The following SERPINE2 variants were observed in gnomAD, a reference collection of about 807,000 sequenced individuals.
SERPINE2 encodes the protein serpin family E member 2.
Under a neutral mutation model 36.3 loss-of-function variants are expected in SERPINE2, and 14 were observed. The observed-to-expected ratio is 0.39, with a 90% CI of 0.25 to 0.60. SERPINE2 has a LOEUF of 0.60. SERPINE2 is among the 20% of genes least tolerant of loss of function. The probability of loss-of-function intolerance (pLI) is 0.57; values close to 1 mark genes in which losing one functional copy is unlikely to be tolerated. For synonymous variants in SERPINE2, 192 were observed against 191.8 expected (o/e 1.00, Z -0.01); for missense variants, 418 against 499.6 (o/e 0.84, Z 1.56).
intron 1 of SERPINE2, among the ~76,000 whole-genome samples, chr2:224,009,938 G>A (rs914643173): frequency 6.6e-6 from 1 of 152,088 alleles, no homozygotes; most frequent in Non-Finnish European, 1.5e-5. Context: ...AAGTAATCGG[G>A]GTTAAGCCTC....
intron 1 of SERPINE2, among the ~76,000 whole-genome samples, chr2:224,008,170 G>A (rs1319832034): frequency 2.0e-5 from 3 of 152,344 alleles, no homozygotes; most frequent in Admixed American, 2.0e-4. Context: ...AGAGGGTGGT[G>A]AAATCAGTAG....
At chr2:224,012,235 C>T (rs967680105) in intron 1 of SERPINE2, among the ~76,000 whole-genome samples, 1 of 152,166 alleles carries the variant, frequency 6.6e-6, no homozygotes, top group Non-Finnish European at 1.5e-5. Flanking sequence ...GAATCACTTG[C>T]ACTTTATGCT....
At chr2:224,000,988 T>G (rs1456922101) in intron 2 of SERPINE2, among the ~76,000 whole-genome samples, 3 of 152,162 alleles carry the variant, frequency 2.0e-5, no homozygotes, top group Non-Finnish European at 4.4e-5. Context: ...TTGAAATAAT[T>G]ATAGATTTAC....
intron 1 of SERPINE2, among the ~76,000 whole-genome samples, chr2:224,036,294 C>G (rs1692531669): frequency 6.8e-6 from 1 of 147,458 alleles, no homozygotes; most frequent in African/African-American, 2.5e-5. Context: ...AGCAGAGATG[C>G]CAGGGAGGAA....
chr2:223,977,858 T>G (rs1003378345), intron 7 of SERPINE2: 23 of 479,036 alleles, frequency 4.8e-5, no homozygotes, highest in Non-Finnish European at 8.8e-5. Flanking sequence ...ACAAGCACCA[T>G]CTCTGATAAA....
intron 1 of SERPINE2, among the ~76,000 whole-genome samples, chr2:224,002,185 CAG>C (rs1353555197): frequency 6.6e-6 from 1 of 152,044 alleles, no homozygotes; most frequent in Non-Finnish European, 1.5e-5. Flanking sequence ...CCATGTTGGC[CAG>C]GCTGGTCTCA....
At chr2:223,995,876 G>A (rs756425689) in intron 3 of SERPINE2, among the ~76,000 whole-genome samples, 4 of 152,090 alleles carry the variant, frequency 2.6e-5, no homozygotes, top group Non-Finnish European at 4.4e-5. Context: ...ACTTTATTAC[G>A]TATTTGAGTG....
chr2:223,979,776 CTTG>C (rs1374834794), intron 7 of SERPINE2: 4 of 152,540 alleles, frequency 2.6e-5, no homozygotes, highest in East Asian at 3.8e-4. Flanking sequence ...CCTTTAAGTA[CTTG>C]TTGTTTATTT....
rs571145544 is a variant in SERPINE2 at position 223,982,526 on chromosome 2, G to A, written c.985+155C>T. Reference sequence around the variant, plus strand: ...AATAAATGAAGGTCAATAAATAAACGAAGGCCAATAGCATAATTTGGCAAT... The same window carrying A: ...AATAAATGAAGGTCAATAAATAAACAAAGGCCAATAGCATAATTTGGCAAT... On this transcript the variant is annotated intron_variant, in intron 6 of 8. Coordinates refer to ENST00000409304, the MANE Select transcript of SERPINE2 (RefSeq NM_001136528.2). The A allele has an allele frequency of 5.1e-5, 24 of 468,440 alleles. No individual in the cohort carries two copies. The South Asian group carries it at 8.6e-4, about 17-fold the overall frequency. 29.0% of individuals were successfully genotyped at this position (468,440 alleles called of 1,614,324 possible). A position where few individuals can be genotyped will look rare whatever the true frequency, so the allele number is the denominator to read the frequency against.
chr2:224,023,630 T>C (rs1419047423), intron 1 of SERPINE2, among the ~76,000 whole-genome samples: 1 of 152,134 alleles, frequency 6.6e-6, no homozygotes, highest in African/African-American at 2.4e-5. Flanking sequence ...TCAGAAGAAA[T>C]AAAACAGAGA....
At chr2:224,023,198 A>G (rs1175328479) in intron 1 of SERPINE2, among the ~76,000 whole-genome samples, 1 of 152,242 alleles carries the variant, frequency 6.6e-6, no homozygotes, top group Non-Finnish European at 1.5e-5. Flanking sequence ...CTTATTGGTC[A>G]GAGGACCCTC....
chr2:224,038,815 C>A (rs1003770908), intron 1 of SERPINE2: 1 of 386,842 alleles, frequency 2.6e-6, no homozygotes, highest in African/African-American at 2.1e-5. Flanking sequence ...GGACGCCACC[C>A]CGGGGCGGCC....
At chr2:224,011,966 C>T (rs1472767486) in intron 1 of SERPINE2, among the ~76,000 whole-genome samples, 4 of 152,160 alleles carry the variant, frequency 2.6e-5, no homozygotes, top group Non-Finnish European at 5.9e-5. Context: ...TGGTTTATAC[C>T]TGTTACCTCG....
At chr2:224,008,944 C>A (rs1020005481) in intron 1 of SERPINE2, among the ~76,000 whole-genome samples, 1 of 152,164 alleles carries the variant, frequency 6.6e-6, no homozygotes, top group African/African-American at 2.4e-5. Flanking sequence ...TGACACTGAA[C>A]GGGTTTGCCT....
At chr2:224,022,786 T>C (rs542001801) in intron 1 of SERPINE2, among the ~76,000 whole-genome samples, 165 of 152,350 alleles carry the variant, frequency 1.1e-3, no homozygotes, top group Non-Finnish European at 1.9e-3. Flanking sequence ...AAATCTCTTC[T>C]TGAATTATAA....
chr2:224,033,040 T>C (rs1198540352), intron 1 of SERPINE2, among the ~76,000 whole-genome samples: 1 of 152,208 alleles, frequency 6.6e-6, no homozygotes, highest in Non-Finnish European at 1.5e-5. Context: ...TCAGTATTCT[T>C]AAATTGGGAA....
chr2:224,034,052 T>G lies in SERPINE2; in HGVS notation c.-23+5047A>C, dbSNP rs954652370. ...TCTTCCATAAAGCATGCAGTAAACT[T>G]ACAAAAAATATGAATATGGTTTAGT... On this transcript the variant is annotated intron_variant, in intron 1 of 8. Transcript: ENST00000409304. Among the ~76,000 whole-genome samples, 4 of 152,286 alleles carry G rather than the reference T, an allele frequency of 2.6e-5. No individual in the cohort carries two copies. The South Asian group carries it at 8.3e-4, about 32-fold the overall frequency.
chr2:224,008,887 G>A (rs7588220), intron 1 of SERPINE2, among the ~76,000 whole-genome samples: 2,411 of 152,248 alleles, frequency 0.016, 35 homozygotes, highest in Non-Finnish European at 0.025. Flanking sequence ...GTTTCACACC[G>A]ATGGCTCAAA....
intron 1 of SERPINE2, among the ~76,000 whole-genome samples, chr2:224,008,281 T>G (rs1691499526): frequency 6.6e-6 from 1 of 152,206 alleles, no homozygotes; most frequent in African/African-American, 2.4e-5. Context: ...GGTGCTGTTA[T>G]AATTCTAACT....
Sources: gnomAD v4.1 joint callset for allele counts (sites outside exome capture counted in the v4.1 genomes callset) on GRCh38, gnomAD v4.1.1 for gene constraint, MANE v1.5 for transcripts, NCBI Gene and HGNC (gene_info 2026-07-23, HGNC 2026-07-21) for gene names.